The following TENM3 variants were observed in gnomAD, a reference collection of about 807,000 sequenced individuals.
TENM3 encodes teneurin-3.
TENM3 carries 63 observed loss-of-function variants against 255.1 expected under a neutral mutation model. The observed-to-expected ratio is 0.25, with a 90% CI of 0.20 to 0.30. The LOEUF (loss-of-function observed/expected upper bound fraction) is 0.30, where lower values mean the gene tolerates loss of function less well. Ranked by LOEUF, TENM3 falls within the 10% of genes least tolerant of loss-of-function variation. The pLI is 1.00. For missense variants in TENM3, 2,929 were observed against 3,461.1 expected (o/e 0.85, Z 3.86); for synonymous variants, 1,306 against 1,322.3 (o/e 0.99, Z 0.27).
the TENM3 span, among the ~76,000 whole-genome samples, chr4:181,637,228 A>G: frequency 9.2e-5 from 14 of 152,318 alleles, no homozygotes; most frequent in Admixed American, 3.3e-4. Flanking sequence ...ACAACAACAA[A>G]AAAAACTTCA....
the TENM3 span, among the ~76,000 whole-genome samples, chr4:181,502,789 C>A: frequency 6.6e-6 from 1 of 152,138 alleles, no homozygotes; most frequent in Non-Finnish European, 1.5e-5. Flanking sequence ...AAGCTCAGTT[C>A]CTACAGAAAC....
the TENM3 span, among the ~76,000 whole-genome samples, chr4:181,990,855 A>G: frequency 2.6e-5 from 4 of 152,164 alleles, no homozygotes; most frequent in African/African-American, 9.7e-5. Flanking sequence ...AAGGCAAAAT[A>G]CCTGTGTCAT....
the TENM3 span, among the ~76,000 whole-genome samples, chr4:182,132,197 A>T: frequency 2.8e-4 from 43 of 152,178 alleles, no homozygotes; most frequent in African/African-American, 8.9e-4. Context: ...AATGGGTTAT[A>T]GGCCGGGCGC....
At chr4:182,576,394 T>G (rs973977789) in intron 3 of TENM3, among the ~76,000 whole-genome samples, 9 of 152,156 alleles carry the variant, frequency 5.9e-5, no homozygotes, top group Non-Finnish European at 1.2e-4. Context: ...AATACTGCAA[T>G]GCACTCATAA....
intron 1 of TENM3, among the ~76,000 whole-genome samples, chr4:182,186,872 A>G (rs1358056184): frequency 7.4e-6 from 1 of 134,798 alleles, no homozygotes; most frequent in Non-Finnish European, 1.6e-5. Context: ...ATTTTCTAAA[A>G]TTCAGGCAGT....
the TENM3 span, among the ~76,000 whole-genome samples, chr4:181,957,017 T>C: frequency 3.9e-5 from 6 of 152,202 alleles, no homozygotes; most frequent in East Asian, 5.8e-4. Flanking sequence ...CTCACTAAAA[T>C]AATGGTATCT....
At chr4:181,927,002 G>A in the TENM3 span, among the ~76,000 whole-genome samples, 2 of 152,112 alleles carry the variant, frequency 1.3e-5, no homozygotes, top group African/African-American at 4.8e-5. Context: ...CTTTTCCCAT[G>A]GTCTTCGCAA....
chr4:181,919,354 T>C, the TENM3 span, among the ~76,000 whole-genome samples: 4 of 141,910 alleles, frequency 2.8e-5, no homozygotes, highest in South Asian at 4.7e-4. Context: ...ATCAGGTTCC[T>C]CCCCAGCAGA....
At chr4:182,083,143 C>A in the TENM3 span, among the ~76,000 whole-genome samples, 7,755 of 152,288 alleles carry the variant, frequency 0.051, 257 homozygotes, top group African/African-American at 0.08. Context: ...AGAAGACCTA[C>A]AACTTAATTA....
In TENM3 at chr4:182,290,002, CGTGCCCTACG is replaced by C. The variant is rs555093837; in HGVS notation, c.-75-33939_-75-33930del. On this transcript the variant is annotated intron_variant, in intron 1 of 27. Coordinates refer to ENST00000511685, the MANE Select transcript of TENM3 (RefSeq NM_001080477.4). ...CCCCTCCAGCCAAGTCACTCCCGCT[CGTGCCCTACG>C]GTGCTGTCCAAGGTTCCTCTCCTCC... 3.1e-3 allele frequency among the ~76,000 whole-genome samples: 471 copies of C among 152,276 alleles called. 3 individuals are homozygous for C. Among genetic ancestry groups the C allele is most frequent in the African/African-American group, 0.011 (446 of 41,558 alleles).
intron 3 of TENM3, among the ~76,000 whole-genome samples, chr4:182,491,074 C>G (rs1399521567): frequency 6.6e-6 from 1 of 152,176 alleles, no homozygotes; most frequent in Non-Finnish European, 1.5e-5. Context: ...TTGAGGCAGT[C>G]AGCCTGCTCC....
At chr4:181,471,332 G>A in the TENM3 span, among the ~76,000 whole-genome samples, 1 of 152,148 alleles carries the variant, frequency 6.6e-6, no homozygotes, top group African/African-American at 2.4e-5. Flanking sequence ...CATCCACTTT[G>A]TTGGAGATTA....
At chr4:181,965,279 G>A in the TENM3 span, among the ~76,000 whole-genome samples, 2 of 152,208 alleles carry the variant, frequency 1.3e-5, no homozygotes, top group South Asian at 2.1e-4. Context: ...TTCTCCCTAT[G>A]AAAAGAAAGC....
At chr4:181,529,080 A>G in the TENM3 span, among the ~76,000 whole-genome samples, 2 of 152,210 alleles carry the variant, frequency 1.3e-5, no homozygotes, top group African/African-American at 4.8e-5. Context: ...CCCATTTCAC[A>G]GGTGAAAAAA....
rs1561450026 is a variant in TENM3, at chr4:182,441,263, A to G, written c.511+94334A>G. ...TGAACTATCAATGGTGCTAGGTGACATTAGGTCACAGCCTCTGCCCTCGTG... is the reference window on the plus strand; with the variant it reads ...TGAACTATCAATGGTGCTAGGTGACGTTAGGTCACAGCCTCTGCCCTCGTG... On this transcript the variant is annotated intron_variant, in intron 3 of 27. Transcript: ENST00000511685. Among the ~76,000 whole-genome samples, 5 of 152,212 alleles carry G rather than the reference A, an allele frequency of 3.3e-5. 1 individual carries two copies. The South Asian group carries it at 1.0e-3, about 32-fold the overall frequency.
At chr4:182,483,030 GA>G in intron 3 of TENM3, among the ~76,000 whole-genome samples, 1 of 151,814 alleles carries the variant, frequency 6.6e-6, no homozygotes, top group Non-Finnish European at 1.5e-5. Flanking sequence ...TACAGGAAAA[GA>G]AAAAGAACAT....
intron 3 of TENM3, among the ~76,000 whole-genome samples, chr4:182,466,163 G>A (rs1232661946): frequency 6.6e-6 from 1 of 152,166 alleles, no homozygotes; most frequent in Non-Finnish European, 1.5e-5. Flanking sequence ...ATGCATTTAA[G>A]GGTATGATTG....
the TENM3 span, among the ~76,000 whole-genome samples, chr4:181,633,199 A>G: frequency 6.6e-6 from 1 of 152,236 alleles, no homozygotes; most frequent in Non-Finnish European, 1.5e-5. Context: ...CAAACTTGCA[A>G]CGGTAGCCTC....
At chr4:182,691,445 C>T (rs1757000487) in intron 12 of TENM3, among the ~76,000 whole-genome samples, 1 of 152,208 alleles carries the variant, frequency 6.6e-6, no homozygotes, top group Admixed American at 6.5e-5. Context: ...CATTAGTCAT[C>T]CTACTGTCTT....
Sources: allele counts gnomAD v4.1 joint callset (sites outside exome capture counted in the v4.1 genomes callset), GRCh38; gene constraint gnomAD v4.1.1; transcripts MANE v1.5; gene names NCBI Gene and HGNC (gene_info 2026-07-23, HGNC 2026-07-21).